EYS: variants seen among roughly 807,000 people sequenced by gnomAD.
EYS encodes protein eyes shut homolog.
A neutral mutation model predicts 282.1 loss-of-function variants in EYS; 250 were observed. The observed-to-expected ratio is 0.89, with a 90% CI of 0.80 to 0.98. The LOEUF (loss-of-function observed/expected upper bound fraction) is 0.98, where lower values mean the gene tolerates loss of function less well. Ranked by LOEUF, EYS falls within the 50% of genes least tolerant of loss-of-function variation. EYS has a pLI of 0.00. For synonymous variants in EYS, 1,355 were observed against 1,282.9 expected (o/e 1.06, Z -1.20); for missense variants, 4,016 against 3,709.0 (o/e 1.08, Z -2.15).
At chr6:64,849,671 C>A (rs905078920) in intron 19 of EYS, among the ~76,000 whole-genome samples, 3 of 151,966 alleles carry the variant, frequency 2.0e-5, no homozygotes, top group African/African-American at 7.2e-5. Context: ...TTTATAAGCT[C>A]ATTCAAGTTG....
chr6:64,917,676 TAA>T (rs954440244), intron 15 of EYS, among the ~76,000 whole-genome samples: 1 of 152,152 alleles, frequency 6.6e-6, no homozygotes, highest in African/African-American at 2.4e-5. Context: ...TAAAATTTTT[TAA>T]GAGAGATTTT....
intron 11 of EYS, among the ~76,000 whole-genome samples, chr6:65,301,891 A>G (rs1439880183): frequency 6.6e-6 from 1 of 152,240 alleles, no homozygotes; most frequent in Non-Finnish European, 1.5e-5. Flanking sequence ...AGAGATAGTG[A>G]TGCTTTTTAG....
intron 22 of EYS, among the ~76,000 whole-genome samples, chr6:64,785,335 C>T (rs1011813310): frequency 6.6e-6 from 1 of 152,058 alleles, no homozygotes; most frequent in Admixed American, 6.6e-5. Flanking sequence ...TTGTTTAAAT[C>T]TCACAGTCTT....
intron 1 of EYS, among the ~76,000 whole-genome samples, chr6:65,657,609 C>G (rs1767871513): frequency 6.6e-6 from 1 of 151,790 alleles, no homozygotes; most frequent in African/African-American, 2.4e-5. Flanking sequence ...ATGAGAATTG[C>G]TTTTTATGGA....
At chr6:65,627,052 C>A (rs1192506554) in intron 2 of EYS, among the ~76,000 whole-genome samples, 1 of 151,276 alleles carries the variant, frequency 6.6e-6, no homozygotes, top group Non-Finnish European at 1.5e-5. Context: ...TTTCTTTCAT[C>A]TCTTTCCTTT....
At chr6:63,742,098 T>G (rs1769090652) in intron 41 of EYS, 1 of 641,776 alleles carries the variant, frequency 1.6e-6, no homozygotes, top group South Asian at 1.7e-5. Flanking sequence ...ACTCTTCACT[T>G]GTACATCTGT....
intron 18 of EYS, among the ~76,000 whole-genome samples, chr6:64,895,552 A>C (rs1348245371): frequency 1.3e-5 from 2 of 152,198 alleles, no homozygotes; most frequent in East Asian, 3.8e-4. Context: ...GTATTGAGAT[A>C]TTTCAAAGGG....
At chr6:64,286,684 C>T (rs369570692) in intron 30 of EYS, among the ~76,000 whole-genome samples, 11 of 152,230 alleles carry the variant, frequency 7.2e-5, no homozygotes, top group African/African-American at 2.6e-4. Context: ...CTTTAACATG[C>T]TCTATGACTT....
intron 22 of EYS, among the ~76,000 whole-genome samples, chr6:64,723,329 A>T (rs1400126102): frequency 2.0e-5 from 3 of 152,224 alleles, no homozygotes; most frequent in Non-Finnish European, 4.4e-5. Flanking sequence ...AAAAAATACC[A>T]GAAATGAAGA....
intron 22 of EYS, among the ~76,000 whole-genome samples, chr6:64,661,948 G>C (rs1214326908): frequency 2.6e-5 from 4 of 151,106 alleles, no homozygotes; most frequent in Admixed American, 1.3e-4. Context: ...GTTTATTGCG[G>C]CACTATTCAC....
chr6:64,552,681 G>A (rs115086004), intron 26 of EYS, among the ~76,000 whole-genome samples: 2,426 of 152,150 alleles, frequency 0.016, 60 homozygotes, highest in African/African-American at 0.056. Context: ...TTGGGAGGCC[G>A]AAGCTGACAG....
intron 12 of EYS, among the ~76,000 whole-genome samples, chr6:65,143,895 A>T (rs767999070): frequency 3.9e-5 from 6 of 152,096 alleles, no homozygotes; most frequent in South Asian, 4.1e-4. Flanking sequence ...ATTCACAACT[A>T]CCAACAATTA....
intron 11 of EYS, among the ~76,000 whole-genome samples, chr6:65,306,476 A>G: frequency 6.6e-6 from 1 of 152,054 alleles, no homozygotes; most frequent in Non-Finnish European, 1.5e-5. Context: ...CGGATTTTCT[A>G]CTTATTTCGC....
chr6:64,062,132 G>A (rs1562180399), intron 33 of EYS, among the ~76,000 whole-genome samples: 1 of 152,134 alleles, frequency 6.6e-6, no homozygotes, highest in Non-Finnish European at 1.5e-5. Context: ...TTTTGTTAGT[G>A]AGAATTAAGT....
intron 19 of EYS, among the ~76,000 whole-genome samples, chr6:64,838,240 C>T (rs1765448297): frequency 1.3e-5 from 2 of 151,868 alleles, no homozygotes; most frequent in Admixed American, 1.3e-4. Context: ...TTCTCATCCA[C>T]TTTCTTTTTA....
intron 22 of EYS, chr6:64,730,995 T>C (rs538210498): frequency 3.9e-5 from 6 of 152,296 alleles, no homozygotes; most frequent in African/African-American, 1.4e-4. Flanking sequence ...AGTTTCATCT[T>C]GGAGAAAAGA....
At chr6:65,282,880 AG>A (rs1302384104) in intron 12 of EYS, among the ~76,000 whole-genome samples, 1 of 151,976 alleles carries the variant, frequency 6.6e-6, no homozygotes, top group Non-Finnish European at 1.5e-5. Flanking sequence ...TAAATGGCTC[AG>A]TCTGCAGAGT....
rs763158109 is a variant in EYS at position 64,591,989 on chromosome 6, C to A, written c.3878G>T (p.Gly1293Val). 93 of 1,460,784 alleles carry A rather than the reference C, an allele frequency of 6.4e-5. No individual in the cohort carries two copies. The highest frequency in any genetic ancestry group is 8.2e-5 in the Non-Finnish European group (91 of 1,105,428). The allele number at this position is 1,460,784 out of a possible 1,614,324, so 90.5% of individuals were successfully genotyped here. The change falls in exon 26 of 43, where the codon GGT becomes GTT. Residue 1293 changes from glycine to valine, a missense_variant and splice_region_variant. By Grantham distance (109) the Gly-to-Val change is moderately radical (BLOSUM62 -3). Coordinates refer to ENST00000503581, the MANE Select transcript of EYS (RefSeq NM_001142800.2). ...AIMDTYPVDQ[G>V]PKQTGIVKHD... ...CTTGACAATGCCTGTCTGTTTTGGA[C>A]CTACAAAAAGGAAAAAAGCCAAAAA...
intron 12 of EYS, among the ~76,000 whole-genome samples, chr6:65,069,222 G>A (rs933218873): frequency 6.6e-6 from 1 of 151,818 alleles, no homozygotes; most frequent in African/African-American, 2.4e-5. Flanking sequence ...TCTTTGATCG[G>A]CATTTAAAAC....
Sources: gnomAD v4.1 joint callset for allele counts (sites outside exome capture counted in the v4.1 genomes callset) on GRCh38, gnomAD v4.1.1 for gene constraint, MANE v1.5 for transcripts, NCBI Gene and HGNC (gene_info 2026-07-23, HGNC 2026-07-21) for gene names.